ANXA4: variants seen among roughly 807,000 people sequenced by gnomAD.
ANXA4 encodes annexin A4, also known as 35-beta calcimedin.
A neutral mutation model predicts 49.8 loss-of-function variants in ANXA4; 39 were observed. The observed-to-expected ratio is 0.78, with a 90% CI of 0.61 to 1.02. ANXA4 has a LOEUF of 1.02. Among genes scored for constraint, ANXA4 ranks in the 50% least tolerant of loss-of-function variants. ANXA4 has a pLI of 0.00. For missense variants in ANXA4, 360 were observed against 410.1 expected, an observed-to-expected ratio of 0.88 and a Z score of 1.05; for synonymous variants, 134 against 152.5, an observed-to-expected ratio of 0.88 and a Z score of 0.89.
Position 69,781,624 on chromosome 2 carries a change from A to G in ANXA4, c.9+50A>G, listed in dbSNP as rs773291462. On this transcript the variant is annotated intron_variant, in intron 2 of 12. Coordinates refer to ENST00000394295, the MANE Select transcript of ANXA4 (RefSeq NM_001153.5). ...TATCTGGTGCCAGCTGCCAACAGGT[A>G]CAGAATGTGGGCTCAGCAACTGTTA... 7 of 1,607,898 alleles carry G rather than the reference A, an allele frequency of 4.4e-6. No individual in the cohort carries two copies. In the South Asian group the frequency reaches 4.4e-5, roughly 10 times the overall value.
chr2:69,708,339 G>A (rs943613299), intron 2 of ANXA4, among the ~76,000 whole-genome samples: 5 of 152,148 alleles, frequency 3.3e-5, no homozygotes, highest in Non-Finnish European at 5.9e-5. Context: ...CTACGGACAC[G>A]ACTAGCCAGG....
At chr2:69,799,181 A>C (rs1673081138) in intron 3 of ANXA4, among the ~76,000 whole-genome samples, 1 of 149,980 alleles carries the variant, frequency 6.7e-6, no homozygotes, top group African/African-American at 2.5e-5. Context: ...GCTGACTCTT[A>C]GTCTGTGTTT....
chr2:69,654,583 A>G (rs1266368811), intron 2 of ANXA4, among the ~76,000 whole-genome samples: 1 of 152,188 alleles, frequency 6.6e-6, no homozygotes, highest in Non-Finnish European at 1.5e-5. Flanking sequence ...GTGATGGATT[A>G]TGTTTATTGA....
chr2:69,793,917 A>G (rs1421192265), intron 3 of ANXA4, among the ~76,000 whole-genome samples: 1 of 152,266 alleles, frequency 6.6e-6, no homozygotes, highest in Non-Finnish European at 1.5e-5. Flanking sequence ...ATGAAGAGAA[A>G]AACATAAAGG....
intron 1 of ANXA4, among the ~76,000 whole-genome samples, chr2:69,758,662 G>A (rs1314382437): frequency 6.6e-6 from 1 of 152,010 alleles, no homozygotes; most frequent in African/African-American, 2.4e-5. Context: ...ATAATAATAA[G>A]GTTCAATTTT....
intron 1 of ANXA4, among the ~76,000 whole-genome samples, chr2:69,764,696 C>T (rs62133987): frequency 0.22 from 33,023 of 152,068 alleles, 3,677 homozygotes; most frequent in East Asian, 0.35. Context: ...GAAATAAATA[C>T]ACATGAAATT....
intron 1 of ANXA4, among the ~76,000 whole-genome samples, chr2:69,752,874 C>T (rs1054510624): frequency 1.3e-5 from 2 of 152,208 alleles, no homozygotes; most frequent in African/African-American, 4.8e-5. Flanking sequence ...TCCTTAAACT[C>T]CCACTCAACT....
chr2:69,718,952 TATTCC>T (rs1669741715), intron 2 of ANXA4, among the ~76,000 whole-genome samples: 1 of 151,758 alleles, frequency 6.6e-6, no homozygotes, highest in Non-Finnish European at 1.5e-5. Flanking sequence ...CTTTTCCTGA[TATTCC>T]AAGTCTCAAG....
At chr2:69,760,799 G>A (rs557969412) in intron 1 of ANXA4, among the ~76,000 whole-genome samples, 6 of 152,096 alleles carry the variant, frequency 3.9e-5, no homozygotes, top group Non-Finnish European at 7.4e-5. Context: ...CATAATAAAT[G>A]TTCAATCAAC....
intron 2 of ANXA4, among the ~76,000 whole-genome samples, chr2:69,785,381 A>T (rs968866140): frequency 7.9e-5 from 12 of 152,230 alleles, no homozygotes; most frequent in African/African-American, 2.9e-4. Context: ...CAATTAGATT[A>T]TCAGAAAACT....
intron 3 of ANXA4, among the ~76,000 whole-genome samples, chr2:69,797,960 A>G (rs973196851): frequency 2.6e-5 from 4 of 152,198 alleles, no homozygotes; most frequent in Non-Finnish European, 2.9e-5. Context: ...CTTTGCCTCC[A>G]TATGCTCTTT....
chr2:69,820,416 C>T (rs562594793), intron 11 of ANXA4, among the ~76,000 whole-genome samples: 30 of 151,904 alleles, frequency 2.0e-4, no homozygotes, highest in African/African-American at 7.0e-4. Context: ...GAGAAGGAAT[C>T]GTAGGTGAGC....
At chr2:69,718,934 T>C (rs992605837) in intron 2 of ANXA4, among the ~76,000 whole-genome samples, 8 of 151,920 alleles carry the variant, frequency 5.3e-5, no homozygotes, top group African/African-American at 9.7e-5. Flanking sequence ...CCAGAGTCTC[T>C]TATAAAGCTT....
chr2:69,683,042 AT>A (rs1381085267), intron 2 of ANXA4, among the ~76,000 whole-genome samples: 8 of 152,150 alleles, frequency 5.3e-5, no homozygotes, highest in Admixed American at 6.5e-5. Flanking sequence ...ATTTGTCTAT[AT>A]TTTTTTCTGG....
intron 1 of ANXA4, among the ~76,000 whole-genome samples, chr2:69,754,544 G>C (rs1391416799): frequency 6.6e-6 from 1 of 152,134 alleles, no homozygotes; most frequent in African/African-American, 2.4e-5. Context: ...ACAGGCACAA[G>C]CTACCATGCA....
chr2:69,661,853 A>G lies in ANXA4; in HGVS notation n.766+8571A>G, dbSNP rs115276198. On this transcript the variant is annotated intron_variant and non_coding_transcript_variant, in intron 2 of 3. Coordinates refer to the ANXA4 transcript ENST00000418066. ...GTACAAGAAGCAGTCAGCATCCCCA[A>G]TACTGCACAGCGGCCACTGTCCCTC... Among the ~76,000 whole-genome samples, 267 of 152,282 alleles carry G rather than the reference A, an allele frequency of 1.8e-3. 3 individuals are homozygous for G. Among genetic ancestry groups the G allele is most frequent in the African/African-American group, 6.2e-3 (258 of 41,564 alleles).
intron 2 of ANXA4, among the ~76,000 whole-genome samples, chr2:69,713,298 C>A (rs1233925198): frequency 6.6e-6 from 1 of 152,074 alleles, no homozygotes; most frequent in Non-Finnish European, 1.5e-5. Context: ...ATTGGTGTAA[C>A]ACACTTTCTG....
At chr2:69,655,864 C>T (rs992337359) in intron 2 of ANXA4, among the ~76,000 whole-genome samples, 45 of 152,104 alleles carry the variant, frequency 3.0e-4, no homozygotes, top group Admixed American at 2.3e-3. Flanking sequence ...AAGATGAGTT[C>T]ATGTCCTTTG....
intron 2 of ANXA4, among the ~76,000 whole-genome samples, chr2:69,662,992 C>CT (rs746269236): frequency 0.2 from 24,224 of 123,188 alleles, 3,151 homozygotes; most frequent in South Asian, 0.27. Context: ...TTTTCTTTTT[C>CT]TTTTTTTTTT....
Sources: allele counts gnomAD v4.1 joint callset (sites outside exome capture counted in the v4.1 genomes callset), GRCh38; gene constraint gnomAD v4.1.1; transcripts MANE v1.5; gene names NCBI Gene and HGNC (gene_info 2026-07-23, HGNC 2026-07-21).